The following ATP2B4 variants were observed in gnomAD, a reference collection of about 807,000 sequenced individuals.
ATP2B4 encodes the protein ATPase plasma membrane Ca2+ transporting 4, also known as plasma membrane calcium-transporting ATPase 4.
A neutral mutation model predicts 110.3 loss-of-function variants in ATP2B4; 39 were observed. The observed-to-expected ratio is 0.35, with a 90% CI of 0.27 to 0.46. The LOEUF (loss-of-function observed/expected upper bound fraction) is 0.46, where lower values mean the gene tolerates loss of function less well. Among genes scored for constraint, ATP2B4 ranks in the 20% least tolerant of loss-of-function variants. ATP2B4 has a pLI of 1.00. For missense variants in ATP2B4, 1,135 were observed against 1,530.9 expected, an observed-to-expected ratio of 0.74 and a Z score of 4.32; for synonymous variants, 538 against 571.7, an observed-to-expected ratio of 0.94 and a Z score of 0.84.
chr1:203,666,246 G>T (rs1664498529), intron 1 of ATP2B4, among the ~76,000 whole-genome samples: 1 of 152,176 alleles, frequency 6.6e-6, no homozygotes, highest in African/African-American at 2.4e-5. Context: ...GTATGAAAGG[G>T]AATTCCTGGG....
chr1:203,722,087 A>G (rs989250744), intron 17 of ATP2B4, among the ~76,000 whole-genome samples: 7 of 152,158 alleles, frequency 4.6e-5, no homozygotes, highest in Admixed American at 1.3e-4. Context: ...GCTGCACTAC[A>G]TGAGAGCAAG....
chr1:203,707,989 A>G lies in ATP2B4; in HGVS notation c.1442A>G (p.Tyr481Cys), dbSNP rs1157078195. The change falls in exon 10 of 21, where the codon TAT becomes TGT. Residue 481 changes from tyrosine (Y) to cysteine (C), a missense_variant. This residue lies in a region of ATP2B4 where 368 missense variants were observed against 455.9 expected (regional missense o/e 0.81). Coordinates refer to ENST00000357681, the MANE Select transcript of ATP2B4 (RefSeq NM_001684.5). ...AACCGCATGACTGTGGTACAAGCTT[A>G]TATTGGGGGCATCCATTACCGTCAA... The part of the protein sequence containing the change: ...TMNRMTVVQA[Y>C]IGGIHYRQIP... The G allele has an allele frequency of 6.2e-7, 1 of 1,614,186 alleles. No homozygotes were observed. Among genetic ancestry groups the G allele is most frequent in the East Asian group, 2.2e-5 (1 of 44,882 alleles).
intron 20 of ATP2B4, chr1:203,733,480 G>A (rs1571780199): frequency 1.5e-6 from 2 of 1,344,016 alleles, no homozygotes; most frequent in Non-Finnish European, 2.0e-6. Flanking sequence ...AACCAACCAT[G>A]GTTATCTTTT....
chr1:203,714,150 T>A, intron 14 of ATP2B4, 21 bp from the exon 15 acceptor site: 1 of 1,611,612 alleles, frequency 6.2e-7, no homozygotes, highest in Non-Finnish European at 8.5e-7. Flanking sequence ...AAGCTCACTG[T>A]GGTGTGTCTG....
chr1:203,736,026 A>G (rs1666868652), intron 20 of ATP2B4, among the ~76,000 whole-genome samples: 1 of 152,186 alleles, frequency 6.6e-6, no homozygotes, highest in Non-Finnish European at 1.5e-5. Flanking sequence ...TGGAGCTCCT[A>G]GAAGTTATAG....
chr1:203,662,471 A>G (rs373386481), intron 1 of ATP2B4, among the ~76,000 whole-genome samples: 1 of 151,460 alleles, frequency 6.6e-6, no homozygotes, highest in Non-Finnish European at 1.5e-5. Context: ...CCCATTCCCC[A>G]CTCCATCCAG....
In ATP2B4 at chr1:203,739,539, G is replaced by C. The variant is rs1370395072; in HGVS notation, c.3310-7G>C. ...TTCTCATCCTCCTTTTCCTTCCCCTGGTATAGATCAAAGTGGTCAAAGCGT... is the reference window on the plus strand; with the variant it reads ...TTCTCATCCTCCTTTTCCTTCCCCTCGTATAGATCAAAGTGGTCAAAGCGT... On this transcript the variant is annotated splice_region_variant and splice_polypyrimidine_tract_variant and intron_variant, in intron 20 of 20. Coordinates refer to ENST00000357681, the MANE Select transcript of ATP2B4 (RefSeq NM_001684.5). The C allele has an allele frequency of 6.2e-7, 1 of 1,611,142 alleles. No individual in the cohort carries two copies. The highest frequency in any genetic ancestry group is 1.1e-5 in the South Asian group (1 of 90,820).
chr1:203,656,934 T>C (rs1215096270), intron 1 of ATP2B4: 1 of 658,530 alleles, frequency 1.5e-6, no homozygotes, highest in Non-Finnish European at 2.8e-6. Flanking sequence ...TCAGTTGGTG[T>C]GTAGTCCCCA....
intron 2 of ATP2B4, among the ~76,000 whole-genome samples, chr1:203,697,670 AC>A (rs1665572930): frequency 6.6e-6 from 1 of 152,196 alleles, no homozygotes; most frequent in Admixed American, 6.5e-5. Flanking sequence ...TGGATCTCAT[AC>A]TTGAGCAAAT....
At chr1:203,719,258 A>G (rs1666251104) in intron 15 of ATP2B4, among the ~76,000 whole-genome samples, 2 of 151,228 alleles carry the variant, frequency 1.3e-5, no homozygotes, top group African/African-American at 2.4e-5. Context: ...AAGAGAGATA[A>G]AATACATGGT....
At chr1:203,714,105 G>T in intron 14 of ATP2B4, 66 bp from the exon 15 acceptor site, 1 of 1,393,304 alleles carries the variant, frequency 7.2e-7, no homozygotes, top group South Asian at 1.2e-5. Flanking sequence ...AAGGAGTGGC[G>T]GGTGGTAGGA....
At chr1:203,631,769 G>A (rs1000632894) in intron 1 of ATP2B4, among the ~76,000 whole-genome samples, 1 of 152,080 alleles carries the variant, frequency 6.6e-6, no homozygotes, top group African/African-American at 2.4e-5. Context: ...AATATGGAAA[G>A]CTACGTACAA....
intron 8 of ATP2B4, among the ~76,000 whole-genome samples, chr1:203,706,176 C>T (rs554515434): frequency 1.3e-4 from 20 of 152,232 alleles, no homozygotes; most frequent in South Asian, 1.2e-3. Flanking sequence ...GATTCTTTCA[C>T]GTACTGTAAT....
At chr1:203,638,700 C>G (rs924236476) in intron 1 of ATP2B4, among the ~76,000 whole-genome samples, 17 of 152,148 alleles carry the variant, frequency 1.1e-4, no homozygotes, top group Admixed American at 3.9e-4. Context: ...CAGATCAACA[C>G]CAAACTTCCC....
chr1:203,743,118 T>C lies in ATP2B4; in HGVS notation c.*3264T>C, dbSNP rs1470343622. ...TAGGGTTTGAGTTTCTTCTTCCCCT[T>C]GAGCTTCAGAGAGGAGAGTTGGCAT... On this transcript the variant is annotated 3_prime_UTR_variant, in exon 21 of 21. Transcript: ENST00000357681. The C allele has an allele frequency of 1.3e-5, 2 of 152,644 alleles. No homozygotes were observed. Among genetic ancestry groups the C allele is most frequent in the African/African-American group, 4.8e-5 (2 of 41,448 alleles). 9.5% of individuals were successfully genotyped at this position (152,644 alleles called of 1,614,324 possible).
chr1:203,719,721 T>TATAAATAAATAAATAAATAA (rs34272522), intron 15 of ATP2B4, among the ~76,000 whole-genome samples: 2,586 of 146,256 alleles, frequency 0.018, 102 homozygotes, highest in African/African-American at 0.061. Flanking sequence ...TCTCAAAAAC[T>TATAAATAAATAAATAAATAA]ATAAATAAAT....
At chr1:203,717,005 C>T (rs921515851) in intron 15 of ATP2B4, among the ~76,000 whole-genome samples, 1 of 143,990 alleles carries the variant, frequency 6.9e-6, no homozygotes, top group Non-Finnish European at 1.5e-5. Flanking sequence ...TCAAGACCAG[C>T]CTGGCCAAAA....
At chr1:203,713,020 A>T (rs1666057047) in intron 13 of ATP2B4, 145 bp from the exon 14 acceptor site, 1 of 836,534 alleles carries the variant, frequency 1.2e-6, no homozygotes. Context: ...TGGCTGTTTC[A>T]TCTCTGCTTA....
At chr1:203,635,821 A>G (rs1663420404) in intron 1 of ATP2B4, among the ~76,000 whole-genome samples, 1 of 152,192 alleles carries the variant, frequency 6.6e-6, no homozygotes, top group South Asian at 2.1e-4. Context: ...ACTCCTGACC[A>G]ATAGGAGTGT....
Sources: gnomAD v4.1 joint callset for allele counts (sites outside exome capture counted in the v4.1 genomes callset) on GRCh38, gnomAD v4.1.1 for gene constraint, gnomAD v4.1.1 regional missense constraint, MANE v1.5 for transcripts, NCBI Gene and HGNC (gene_info 2026-07-23, HGNC 2026-07-21) for gene names.